The following ZMYND11 variants were observed in gnomAD, a reference collection of about 807,000 sequenced individuals.
ZMYND11 encodes the protein zinc finger MYND-type containing 11, also known as zinc finger MYND domain-containing protein 11.
In ZMYND11, 9 loss-of-function variants were observed where a neutral mutation model predicts 84.9. That is an observed-to-expected ratio of 0.11 (90% CI 0.06 to 0.18). The LOEUF is 0.18. ZMYND11 is among the 10% of genes least tolerant of loss of function. ZMYND11 has a pLI of 1.00. For missense variants in ZMYND11, 409 were observed against 761.0 expected (o/e 0.54, Z 5.44); for synonymous variants, 250 against 244.1 (o/e 1.02, Z -0.23).
intron 2 of ZMYND11, among the ~76,000 whole-genome samples, chr10:204,194 T>G (rs1943737713): frequency 6.6e-6 from 1 of 152,200 alleles, no homozygotes; most frequent in African/African-American, 2.4e-5. Flanking sequence ...TTTCCTAGGT[T>G]AGATAACCAG....
intron 8 of ZMYND11, 58 bp from the exon 9 acceptor site, chr10:240,835 A>G (rs1484748791): frequency 1.7e-6 from 2 of 1,195,630 alleles, no homozygotes; most frequent in African/African-American, 1.5e-5. Flanking sequence ...TACATTTTAT[A>G]TAGTTTAATG....
chr10:228,898 G>A (rs192030601), intron 4 of ZMYND11, among the ~76,000 whole-genome samples: 3 of 152,284 alleles, frequency 2.0e-5, no homozygotes, highest in Admixed American at 2.0e-4. Context: ...TTTCTGACAT[G>A]CATAGCACCC....
chr10:153,102 G>A (rs1232111544), intron 1 of ZMYND11, among the ~76,000 whole-genome samples: 1 of 152,148 alleles, frequency 6.6e-6, no homozygotes, highest in South Asian at 2.1e-4. Context: ...TTTAGCCGTG[G>A]TACTGATGTA....
At chr10:209,807 AT>A in intron 2 of ZMYND11, 81 bp from the exon 3 acceptor site, 1 of 1,373,776 alleles carries the variant, frequency 7.3e-7, no homozygotes, top group Non-Finnish European at 1.0e-6. Context: ...AATGAAAGAA[AT>A]TACCACCATT....
At chr10:240,020 CTA>C in intron 7 of ZMYND11, 34 bp from the exon 8 acceptor site, 2 of 1,566,636 alleles carry the variant, frequency 1.3e-6, no homozygotes, top group Non-Finnish European at 1.7e-6. Flanking sequence ...TATTTGCAGA[CTA>C]TTGCTTATAG....
intron 3 of ZMYND11, among the ~76,000 whole-genome samples, chr10:210,751 G>A (rs1276679144): frequency 3.3e-5 from 5 of 152,036 alleles, no homozygotes; most frequent in African/African-American, 1.2e-4. Flanking sequence ...CGTAAAGATT[G>A]ATTTCATGTG....
intron 1 of ZMYND11, among the ~76,000 whole-genome samples, chr10:160,616 C>G (rs890661596): frequency 1.3e-5 from 2 of 152,194 alleles, no homozygotes; most frequent in Non-Finnish European, 2.9e-5. Flanking sequence ...GTCTCCAACC[C>G]TACTGCTGCT....
chr10:218,051 G>A (rs1946486603), intron 3 of ZMYND11, among the ~76,000 whole-genome samples: 1 of 152,206 alleles, frequency 6.6e-6, no homozygotes, highest in Non-Finnish European at 1.5e-5. Flanking sequence ...AGAGAATCCA[G>A]TGTGAACCAG....
chr10:229,471 C>G (rs1948644828), intron 4 of ZMYND11, among the ~76,000 whole-genome samples: 1 of 151,920 alleles, frequency 6.6e-6, no homozygotes, highest in African/African-American at 2.4e-5. Context: ...CTGAGAGTAT[C>G]TTATCTACCA....
chr10:163,234 C>A (rs965426960), intron 1 of ZMYND11, among the ~76,000 whole-genome samples: 1 of 152,126 alleles, frequency 6.6e-6, no homozygotes, highest in African/African-American at 2.4e-5. Flanking sequence ...ATCACCCCCC[C>A]ACTACCTGGG....
chr10:161,238 T>G (rs1335060726), intron 1 of ZMYND11, among the ~76,000 whole-genome samples: 1 of 152,210 alleles, frequency 6.6e-6, no homozygotes, highest in African/African-American at 2.4e-5. Context: ...CCAGGTGGAT[T>G]GCCAGTGAGC....
chr10:171,446 T>C (rs782295534), intron 1 of ZMYND11, among the ~76,000 whole-genome samples: 2 of 152,098 alleles, frequency 1.3e-5, no homozygotes, highest in African/African-American at 4.8e-5. Context: ...ATAAACTTAA[T>C]AGAAATAATA....
chr10:234,461 C>T (rs1326096763), intron 4 of ZMYND11, among the ~76,000 whole-genome samples: 1 of 152,220 alleles, frequency 6.6e-6, no homozygotes, highest in Non-Finnish European at 1.5e-5. Flanking sequence ...TATTTCAGCG[C>T]TACATAACAG....
chr10:202,447 T>A (rs894646044), intron 2 of ZMYND11, among the ~76,000 whole-genome samples: 2 of 152,188 alleles, frequency 1.3e-5, no homozygotes, highest in African/African-American at 2.4e-5. Flanking sequence ...TTATAAATAA[T>A]GAACACGTTA....
In ZMYND11 at chr10:207,778, C is replaced by T. The variant is rs558796792; in HGVS notation, c.117-2111C>T. ...ATCAAGCTACCAATGACTTTCTTCACAGAATTGGAAAAAACTACTTTAAAG... is the reference window on the plus strand; with the variant it reads ...ATCAAGCTACCAATGACTTTCTTCATAGAATTGGAAAAAACTACTTTAAAG... On this transcript the variant is annotated intron_variant, in intron 2 of 14. Coordinates refer to ENST00000381604, the MANE Select transcript of ZMYND11 (RefSeq NM_001370100.5). Among the ~76,000 whole-genome samples the T allele has an allele frequency of 4.6e-5, 7 of 152,212 alleles. No individual in the cohort carries two copies. The South Asian group carries it at 8.3e-4, about 18-fold the overall frequency.
At chr10:160,325 A>G (rs1452197969) in intron 1 of ZMYND11, among the ~76,000 whole-genome samples, 1 of 152,262 alleles carries the variant, frequency 6.6e-6, no homozygotes, top group African/African-American at 2.4e-5. Context: ...TAATTAAAAA[A>G]TACTTTATTG....
At chr10:176,588 G>C (rs551211743) in intron 1 of ZMYND11, among the ~76,000 whole-genome samples, 4 of 152,060 alleles carry the variant, frequency 2.6e-5, no homozygotes, top group Non-Finnish European at 5.9e-5. Flanking sequence ...TGAATAAGAC[G>C]TATCTTAGTT....
At chr10:179,951 T>C in intron 1 of ZMYND11, 43 bp from the exon 2 acceptor site, 1 of 1,206,212 alleles carries the variant, frequency 8.3e-7, no homozygotes, top group South Asian at 1.3e-5. Flanking sequence ...TAATTCATTT[T>C]GTAATCTGTT....
intron 4 of ZMYND11, among the ~76,000 whole-genome samples, chr10:225,582 G>A (rs560378167): frequency 2.0e-5 from 3 of 152,216 alleles, no homozygotes; most frequent in East Asian, 3.9e-4. Context: ...TCCAGAGTTC[G>A]AGTGACCCTC....
Sources: gnomAD v4.1 joint callset for allele counts (sites outside exome capture counted in the v4.1 genomes callset) on GRCh38, gnomAD v4.1.1 for gene constraint, MANE v1.5 for transcripts, NCBI Gene and HGNC (gene_info 2026-07-23, HGNC 2026-07-21) for gene names.